The following CNTNAP5 variants were observed in gnomAD, a reference collection of about 807,000 sequenced individuals.
CNTNAP5 encodes the protein contactin associated protein family member 5.
In CNTNAP5, 72 loss-of-function variants were observed where a neutral mutation model predicts 150.2. The observed-to-expected ratio is 0.48, with a 90% CI of 0.40 to 0.58. The LOEUF (loss-of-function observed/expected upper bound fraction) is 0.58. Among genes scored for constraint, CNTNAP5 ranks in the 20% least tolerant of loss-of-function variants. CNTNAP5 has a pLI of 0.00. For synonymous variants in CNTNAP5, 672 were observed against 619.8 expected, an observed-to-expected ratio of 1.08 and a Z score of -1.25; for missense variants, 1,636 against 1,626.2, an observed-to-expected ratio of 1.01 and a Z score of -0.10.
chr2:124,660,742 A>G (rs898740144), intron 13 of CNTNAP5, among the ~76,000 whole-genome samples: 5 of 151,990 alleles, frequency 3.3e-5, no homozygotes, highest in Non-Finnish European at 5.9e-5. Flanking sequence ...ACATCTAAAC[A>G]TACCTAAATA....
intron 12 of CNTNAP5, among the ~76,000 whole-genome samples, chr2:124,630,242 G>C (rs1201206742): frequency 2.0e-5 from 3 of 152,054 alleles, no homozygotes; most frequent in Admixed American, 6.6e-5. Context: ...GCATAATCCT[G>C]ATTCCAAAAC....
chr2:124,612,331 T>A (rs1298539949), intron 12 of CNTNAP5, among the ~76,000 whole-genome samples: 1 of 152,188 alleles, frequency 6.6e-6, no homozygotes, highest in Non-Finnish European at 1.5e-5. Flanking sequence ...TACATATACA[T>A]TTAAATTATA....
chr2:124,797,407 A>C (rs1236004344), intron 18 of CNTNAP5, among the ~76,000 whole-genome samples: 2 of 152,204 alleles, frequency 1.3e-5, no homozygotes, highest in Non-Finnish European at 2.9e-5. Context: ...GTTATGCTAG[A>C]GGGATTGTTT....
At chr2:124,759,878 G>A (rs1004507953) in intron 14 of CNTNAP5, among the ~76,000 whole-genome samples, 1 of 145,286 alleles carries the variant, frequency 6.9e-6, no homozygotes, top group Admixed American at 6.8e-5. Flanking sequence ...ATTTGCTTTG[G>A]TTGGCAGCCA....
chr2:124,509,041 G>T (rs182865405), intron 8 of CNTNAP5, among the ~76,000 whole-genome samples: 1 of 148,140 alleles, frequency 6.8e-6, no homozygotes, highest in Non-Finnish European at 1.5e-5. Flanking sequence ...ATGGGTCAGA[G>T]AATGCAGATA....
intron 1 of CNTNAP5, among the ~76,000 whole-genome samples, chr2:124,208,435 T>C (rs1354482761): frequency 1.3e-5 from 2 of 152,242 alleles, no homozygotes; most frequent in Non-Finnish European, 2.9e-5. Context: ...TCAGGTCTTC[T>C]TTCCAATGCC....
At chr2:124,690,778 T>C (rs1679285098) in intron 13 of CNTNAP5, among the ~76,000 whole-genome samples, 1 of 152,128 alleles carries the variant, frequency 6.6e-6, no homozygotes. Flanking sequence ...TATGGTCTCC[T>C]CCTCAAAGCC....
At chr2:124,171,411 G>A (rs1298976777) in intron 1 of CNTNAP5, among the ~76,000 whole-genome samples, 2 of 152,122 alleles carry the variant, frequency 1.3e-5, no homozygotes, top group African/African-American at 2.4e-5. Context: ...CCCTCAGCAC[G>A]TTGCTAATTT....
chr2:124,694,632 G>A (rs1444415180), intron 13 of CNTNAP5, among the ~76,000 whole-genome samples: 1 of 152,152 alleles, frequency 6.6e-6, no homozygotes, highest in Non-Finnish European at 1.5e-5. Flanking sequence ...AAAAAAATGT[G>A]AATGTGTCTA....
At chr2:124,231,683 C>T (rs1686623981) in intron 2 of CNTNAP5, among the ~76,000 whole-genome samples, 1 of 152,138 alleles carries the variant, frequency 6.6e-6, no homozygotes, top group South Asian at 2.1e-4. Flanking sequence ...GAGGGAAAAA[C>T]TAACCTTGAC....
At chr2:124,445,588 T>C (rs574105653) in intron 5 of CNTNAP5, among the ~76,000 whole-genome samples, 158 of 152,310 alleles carry the variant, frequency 1.0e-3, no homozygotes, top group African/African-American at 3.8e-3. Context: ...TCTAACCCTA[T>C]ATGAAGCAAC....
At chr2:124,365,761 T>C (rs1690355713) in intron 3 of CNTNAP5, among the ~76,000 whole-genome samples, 1 of 152,222 alleles carries the variant, frequency 6.6e-6, no homozygotes, top group Non-Finnish European at 1.5e-5. Flanking sequence ...TATAGGTCAA[T>C]GCACATGAAA....
intron 3 of CNTNAP5, among the ~76,000 whole-genome samples, chr2:124,245,099 A>G (rs1686984543): frequency 6.6e-6 from 1 of 152,190 alleles, no homozygotes; most frequent in Admixed American, 6.5e-5. Context: ...AACTTTGTCA[A>G]GCCAACTCTT....
At chr2:124,503,741 C>G (rs1186050997) in intron 7 of CNTNAP5, among the ~76,000 whole-genome samples, 1 of 152,136 alleles carries the variant, frequency 6.6e-6, no homozygotes, top group East Asian at 1.9e-4. Flanking sequence ...TTAGAAATGG[C>G]AGTTTCCCTG....
intron 3 of CNTNAP5, among the ~76,000 whole-genome samples, chr2:124,386,813 T>TCA (rs1690939258): frequency 6.9e-6 from 1 of 145,908 alleles, no homozygotes; most frequent in Non-Finnish European, 1.5e-5. Context: ...GAGTGGATGT[T>TCA]TGTGTCCCCC....
chr2:124,819,647 C>T (rs1682442837), intron 19 of CNTNAP5, among the ~76,000 whole-genome samples: 1 of 152,030 alleles, frequency 6.6e-6, no homozygotes, highest in Non-Finnish European at 1.5e-5. Context: ...CCTTTAGCTT[C>T]AGGGCTGAAA....
At chr2:124,103,669 G>A (rs1369510089) in intron 1 of CNTNAP5, among the ~76,000 whole-genome samples, 1 of 151,922 alleles carries the variant, frequency 6.6e-6, no homozygotes, top group Non-Finnish European at 1.5e-5. Flanking sequence ...TAAAGCCTAG[G>A]TCTGTAGTAG....
chr2:124,420,258 G>A (rs902942258), intron 4 of CNTNAP5, among the ~76,000 whole-genome samples: 5 of 151,770 alleles, frequency 3.3e-5, no homozygotes, highest in African/African-American at 4.8e-5. Flanking sequence ...CAAAGTGCTG[G>A]GATTACAGGG....
At chr2:124,518,449 A>G (rs1280736357) in intron 8 of CNTNAP5, among the ~76,000 whole-genome samples, 2 of 152,190 alleles carry the variant, frequency 1.3e-5, no homozygotes, top group Non-Finnish European at 2.9e-5. Flanking sequence ...TGAAGTTGGT[A>G]TTGTTAAAAG....
Sources: gnomAD v4.1 joint callset for allele counts (sites outside exome capture counted in the v4.1 genomes callset) on GRCh38, gnomAD v4.1.1 for gene constraint, MANE v1.5 for transcripts, NCBI Gene and HGNC (gene_info 2026-07-23, HGNC 2026-07-21) for gene names.